The following ST8SIA6 variants were observed in gnomAD, a reference collection of about 807,000 sequenced individuals.
ST8SIA6 encodes the protein ST8 alpha-N-acetyl-neuraminide alpha-2,8-sialyltransferase 6.
Under a neutral mutation model 33.6 loss-of-function variants are expected in ST8SIA6, and 39 were observed. That is an observed-to-expected ratio of 1.16 (90% confidence interval 0.90 to 1.52). The LOEUF (loss-of-function observed/expected upper bound fraction) is 1.52. ST8SIA6 is among the 40% of genes most tolerant of loss of function. ST8SIA6 has a pLI of 0.00. For missense variants in ST8SIA6, 441 were observed against 443.8 expected (o/e 0.99, Z 0.06); for synonymous variants, 172 against 167.2 (o/e 1.03, Z -0.22).
chr10:17,389,164 G>A (rs1368865055), intron 3 of ST8SIA6, among the ~76,000 whole-genome samples: 2 of 151,982 alleles, frequency 1.3e-5, no homozygotes, highest in Non-Finnish European at 2.9e-5. Context: ...CTGCCCAAGC[G>A]CCTACCCTCC....
At chr10:17,380,420 A>G (rs1199291209) in intron 3 of ST8SIA6, among the ~76,000 whole-genome samples, 1 of 152,178 alleles carries the variant, frequency 6.6e-6, no homozygotes. Context: ...GTTTTGCTTA[A>G]TGGTTTTGTT....
chr10:17,360,969 G>T (rs765396483), intron 3 of ST8SIA6, among the ~76,000 whole-genome samples: 2 of 151,508 alleles, frequency 1.3e-5, no homozygotes, highest in Non-Finnish European at 2.9e-5. Context: ...AGGAGGAGAA[G>T]AAGAAGGAGA....
Position 17,320,200 on chromosome 10 carries a change from G to A in ST8SIA6, c.*678C>T, listed in dbSNP as rs1847898977. On this transcript the variant is annotated 3_prime_UTR_variant, in exon 8 of 8. Transcript: ENST00000377602. ...TATCGTATAAGTGAGAGAGAAAAAA[G>A]TGTAAGAATGAGGCAGGAAGTTAAA... is the stretch of plus-strand genomic sequence containing the variant. The A allele has an allele frequency of 6.6e-6, 1 of 152,256 alleles. No homozygotes were observed. Among genetic ancestry groups the A allele is most frequent in the Admixed American group, 6.6e-5 (1 of 15,250 alleles). 9.4% of individuals were successfully genotyped at this position (152,256 alleles called of 1,614,324 possible).
At chr10:17,333,873 T>C (rs1275833396) in intron 4 of ST8SIA6, among the ~76,000 whole-genome samples, 2 of 150,408 alleles carry the variant, frequency 1.3e-5, no homozygotes, top group Non-Finnish European at 3.0e-5. Flanking sequence ...AGGCACCTGC[T>C]ACCATGTCCG....
intron 2 of ST8SIA6, among the ~76,000 whole-genome samples, chr10:17,430,992 C>T (rs1852084835): frequency 6.6e-6 from 1 of 152,108 alleles, no homozygotes; most frequent in African/African-American, 2.4e-5. Context: ...AGGCACCAAG[C>T]GAGACATTTA....
intron 7 of ST8SIA6, 35 bp downstream of exon 7, chr10:17,323,030 G>A (rs1383774875): frequency 1.3e-6 from 2 of 1,553,342 alleles, no homozygotes; most frequent in African/African-American, 2.7e-5. Flanking sequence ...ATGAAAAAGT[G>A]TTCCTGATCA....
At chr10:17,420,107 A>G (rs1486245837) in intron 2 of ST8SIA6, among the ~76,000 whole-genome samples, 1 of 152,248 alleles carries the variant, frequency 6.6e-6, no homozygotes, top group Admixed American at 6.5e-5. Flanking sequence ...TAAAGACTCT[A>G]AAGTGCTTTA....
At chr10:17,380,823 TTG>T (rs1374602648) in intron 3 of ST8SIA6, among the ~76,000 whole-genome samples, 13 of 141,806 alleles carry the variant, frequency 9.2e-5, no homozygotes, top group South Asian at 6.7e-4. Flanking sequence ...ATGTGTACGT[TTG>T]TGTGTTTGTA....
chr10:17,326,744 A>C (rs537893582), intron 6 of ST8SIA6, among the ~76,000 whole-genome samples: 1 of 152,268 alleles, frequency 6.6e-6, no homozygotes, highest in African/African-American at 2.4e-5. Context: ...AACGCTCTGA[A>C]AGGTCCTGCA....
At chr10:17,419,012 A>AAAAG (rs1851694203) in intron 2 of ST8SIA6, among the ~76,000 whole-genome samples, 3 of 151,420 alleles carry the variant, frequency 2.0e-5, no homozygotes, top group African/African-American at 7.3e-5. Flanking sequence ...AAAAAAAAAA[A>AAAAG]AAAGAAAAAT....
intron 2 of ST8SIA6, among the ~76,000 whole-genome samples, chr10:17,436,356 A>G (rs1258601126): frequency 6.6e-6 from 1 of 151,870 alleles, no homozygotes; most frequent in African/African-American, 2.4e-5. Context: ...GTCTCACTAG[A>G]TCTGATGGTT....
intron 3 of ST8SIA6, among the ~76,000 whole-genome samples, chr10:17,360,491 T>G (rs910520419): frequency 1.3e-5 from 2 of 151,800 alleles, no homozygotes; most frequent in Non-Finnish European, 2.9e-5. Flanking sequence ...CTAAGTCTTC[T>G]TGAAAGAAAA....
intron 2 of ST8SIA6, among the ~76,000 whole-genome samples, chr10:17,406,740 T>G (rs1017582753): frequency 6.6e-6 from 1 of 151,664 alleles, no homozygotes; most frequent in South Asian, 2.1e-4. Flanking sequence ...TCTGGTTGAG[T>G]AGATCCAGGG....
intron 2 of ST8SIA6, among the ~76,000 whole-genome samples, chr10:17,434,982 C>T (rs1187739188): frequency 2.0e-5 from 3 of 152,200 alleles, no homozygotes. Flanking sequence ...TCGGCAAGGA[C>T]TCCCATGCTG....
chr10:17,348,680 TC>T (rs1253018415), intron 4 of ST8SIA6, among the ~76,000 whole-genome samples: 2 of 152,174 alleles, frequency 1.3e-5, no homozygotes, highest in Non-Finnish European at 2.9e-5. Flanking sequence ...CTCCCACGGT[TC>T]GCTGTGGAAT....
At chr10:17,435,686 C>T (rs74117653) in intron 2 of ST8SIA6, among the ~76,000 whole-genome samples, 2,667 of 116,322 alleles carry the variant, frequency 0.023, 76 homozygotes, top group African/African-American at 0.084. Flanking sequence ...TCAGCCCTGA[C>T]TTGAACTGCT....
chr10:17,398,917 G>A (rs10159864), intron 2 of ST8SIA6, among the ~76,000 whole-genome samples: 55,203 of 151,894 alleles, frequency 0.36, 11,149 homozygotes, highest in East Asian at 0.68. Context: ...ACTTCTAATT[G>A]TAATGTAGCC....
intron 4 of ST8SIA6, among the ~76,000 whole-genome samples, chr10:17,346,995 T>A (rs1848861073): frequency 6.6e-6 from 1 of 152,208 alleles, no homozygotes; most frequent in Non-Finnish European, 1.5e-5. Context: ...GATTCTGCAA[T>A]CTTGAAGCAG....
At chr10:17,367,629 G>C (rs1245019389) in intron 3 of ST8SIA6, among the ~76,000 whole-genome samples, 1 of 152,100 alleles carries the variant, frequency 6.6e-6, no homozygotes, top group Non-Finnish European at 1.5e-5. Context: ...ATCACTGTTA[G>C]ATTTCTAAAG....
Sources: allele counts gnomAD v4.1 joint callset (sites outside exome capture counted in the v4.1 genomes callset), GRCh38; gene constraint gnomAD v4.1.1; transcripts MANE v1.5; gene names NCBI Gene and HGNC (gene_info 2026-07-23, HGNC 2026-07-21).